ATP6V0A4: variants seen among roughly 807,000 people sequenced by gnomAD.
ATP6V0A4 encodes the protein V-type proton ATPase 116 kDa subunit a 4.
ATP6V0A4 carries 86 observed loss-of-function variants against 107.3 expected under a neutral mutation model. That is an observed-to-expected ratio of 0.80 (90% CI 0.67 to 0.96). The LOEUF (loss-of-function observed/expected upper bound fraction) is 0.96, where lower values mean the gene tolerates loss of function less well. Among genes scored for constraint, ATP6V0A4 ranks in the 40% least tolerant of loss-of-function variants. The probability of loss-of-function intolerance (pLI) is 0.00; values close to 1 mark genes in which losing one functional copy is unlikely to be tolerated. For missense variants in ATP6V0A4, 908 were observed against 1,045.6 expected, an observed-to-expected ratio of 0.87 and a Z score of 1.81; for synonymous variants, 353 against 381.4, an observed-to-expected ratio of 0.93 and a Z score of 0.87.
intron 5 of ATP6V0A4, among the ~76,000 whole-genome samples, chr7:138,764,714 GGATTAAGGTCACCTATTAAAGAA>G (rs1220716059): frequency 6.6e-6 from 1 of 152,142 alleles, no homozygotes; most frequent in Non-Finnish European, 1.5e-5. Context: ...AAACGGAAAT[GGATTAAGGTCACCTATTAAAGAA>G]GAGATTATCA....
chr7:138,788,559 G>C (rs75485990), intron 1 of ATP6V0A4, among the ~76,000 whole-genome samples: 177 of 152,244 alleles, frequency 1.2e-3, no homozygotes, highest in African/African-American at 4.1e-3. Flanking sequence ...TTAAGAAGCA[G>C]GACAGGTCAA....
chr7:138,768,742 G>C, intron 5 of ATP6V0A4, 38 bp downstream of exon 5: 1 of 1,611,394 alleles, frequency 6.2e-7, no homozygotes, highest in South Asian at 1.1e-5. Flanking sequence ...CTTCATGACT[G>C]TCCTTACCTG....
At chr7:138,760,524 T>A (rs573048037) in intron 7 of ATP6V0A4, among the ~76,000 whole-genome samples, 1 of 151,846 alleles carries the variant, frequency 6.6e-6, no homozygotes, top group African/African-American at 2.4e-5. Flanking sequence ...TCAACAGTAG[T>A]CTCTATGCAT....
At chr7:138,784,367 G>A (rs1808086829) in intron 2 of ATP6V0A4, among the ~76,000 whole-genome samples, 1 of 145,916 alleles carries the variant, frequency 6.9e-6, no homozygotes, top group South Asian at 2.2e-4. Flanking sequence ...CACATAGGCT[G>A]GGGTGCAGTG....
Position 138,759,874 on chromosome 7 carries a change from T to C in ATP6V0A4, c.517A>G (p.Ile173Val), listed in dbSNP as rs189476989. The change falls in exon 8 of 22, where the codon ATA becomes GTA. Residue 173 changes from isoleucine (I) to valine (V), a missense_variant. Coordinates refer to ENST00000310018, the MANE Select transcript of ATP6V0A4 (RefSeq NM_020632.3). ...CTCTCCCTGTTGATCACACCGGCTATGAACCTAGGCAGCCAGAAGGGAAGA... is the reference window on the plus strand; with the variant it reads ...CTCTCCCTGTTGATCACACCGGCTACGAACCTAGGCAGCCAGAAGGGAAGA... Reference protein sequence around the residue: ...PAYMTGKLGFIAGVINRERMA... With the variant: ...PAYMTGKLGFVAGVINRERMA... 3 of 1,614,086 alleles carry C rather than the reference T, an allele frequency of 1.9e-6. No individual in the cohort carries two copies. Among genetic ancestry groups the C allele is most frequent in the Non-Finnish European group, 2.5e-6 (3 of 1,180,012 alleles).
intron 17 of ATP6V0A4, among the ~76,000 whole-genome samples, chr7:138,730,418 C>A (rs1418196023): frequency 1.3e-5 from 2 of 150,066 alleles, no homozygotes; most frequent in Non-Finnish European, 3.0e-5. Context: ...ACAGCCAGGA[C>A]AATGTTGGGA....
chr7:138,790,866 A>G (rs2130227604), intron 1 of ATP6V0A4, among the ~76,000 whole-genome samples: 1 of 152,362 alleles, frequency 6.6e-6, no homozygotes, highest in East Asian at 1.9e-4. Context: ...TAAAGCAACA[A>G]CAACAAAAAT....
intron 13 of ATP6V0A4, among the ~76,000 whole-genome samples, chr7:138,745,601 T>C (rs1805875502): frequency 7.2e-6 from 1 of 138,824 alleles, no homozygotes; most frequent in South Asian, 2.3e-4. Flanking sequence ...CACTTGAACC[T>C]GGGAGTTGGA....
intron 1 of ATP6V0A4, among the ~76,000 whole-genome samples, chr7:138,787,909 G>A (rs1808240582): frequency 6.6e-6 from 1 of 152,170 alleles, no homozygotes; most frequent in Non-Finnish European, 1.5e-5. Context: ...TGAGGCAGGA[G>A]GATGGCTTGA....
At position 138,771,124 on chromosome 7, in the gene ATP6V0A4, T is replaced by C. The variant is rs754999574; in HGVS notation, c.117+7A>G. 1 of 1,613,462 alleles carries C rather than the reference T, an allele frequency of 6.2e-7. No homozygotes were observed. The highest frequency in any genetic ancestry group is 1.1e-5 in the South Asian group (1 of 91,066). On this transcript the variant is annotated splice_region_variant and intron_variant, in intron 3 of 21. Transcript: ENST00000310018. ...TTCCTCTTATCTCCAAAGAACTCAGTACCTACATCTTTGAACTGAACCAAT... is the reference window on the plus strand; with the variant it reads ...TTCCTCTTATCTCCAAAGAACTCAGCACCTACATCTTTGAACTGAACCAAT...
intron 8 of ATP6V0A4, among the ~76,000 whole-genome samples, 167 bp downstream of exon 8, chr7:138,759,585 A>C (rs754763747): frequency 6.6e-6 from 1 of 152,136 alleles, no homozygotes; most frequent in Non-Finnish European, 1.5e-5. Flanking sequence ...TCAAATATAT[A>C]TTTTTAAAAA....
intron 1 of ATP6V0A4, among the ~76,000 whole-genome samples, chr7:138,791,322 T>A (rs187292560): frequency 6.6e-6 from 1 of 151,896 alleles, no homozygotes; most frequent in Non-Finnish European, 1.5e-5. Flanking sequence ...AGATAAAGAA[T>A]AAAGAAGAAG....
In ATP6V0A4 at chr7:138,707,388, A is replaced by T. The variant is rs1266361894; in HGVS notation, c.2430-671T>A. 2.5e-3 allele frequency among the ~76,000 whole-genome samples: 148 copies of T among 58,812 alleles called. 1 individual carries two copies. The highest frequency in any genetic ancestry group is 6.0e-3 in the African/African-American group (80 of 13,294). 38.6% of individuals were successfully genotyped at this position (58,812 alleles called of 152,430 possible). ...TTATATATATATTTATATATATATAAAAATAAATATATTATATATATATAT... is the reference window on the plus strand; with the variant it reads ...TTATATATATATTTATATATATATATAAATAAATATATTATATATATATAT... On this transcript the variant is annotated intron_variant, in intron 21 of 21. Transcript: ENST00000310018.
chr7:138,721,908 G>C lies in ATP6V0A4; in HGVS notation c.2128C>G (p.His710Asp). Residue 710 changes from histidine (H) to aspartate (D), a missense_variant, in exon 19 of 22, where the codon CAT becomes GAT. By Grantham distance (81) the His-to-Asp change is moderately conservative (BLOSUM62 -1). Transcript: ENST00000310018. ...CTCGTCCCAGATACCTCTTCTCCAT[G>C]GTCGTCCAGAGCCCCGTGGGTATCT... is the stretch of plus-strand genomic sequence containing the variant. ...SADTHGALDD[H>D]GEEFNFGDVF... 2 of 1,614,030 alleles carry C rather than the reference G, an allele frequency of 1.2e-6. No homozygotes were observed. The highest frequency in any genetic ancestry group is 1.7e-6 in the Non-Finnish European group (2 of 1,179,988).
rs6962274 is a variant in ATP6V0A4 at position 138,733,937 on chromosome 7, A to T, written c.1691+199T>A. ...CCAGAGGAGCACTTACCTTGGAGAG[A>T]CTCTGCTCAGGAGAAACGGAGGTGC... On this transcript the variant is annotated intron_variant, in intron 16 of 21. Coordinates refer to ENST00000310018, the MANE Select transcript of ATP6V0A4 (RefSeq NM_020632.3). Among the ~76,000 whole-genome samples the T allele has an allele frequency of 0.49, 73,768 of 151,662 alleles. 18,947 individuals carry two copies. Among genetic ancestry groups the T allele is most frequent in the East Asian group, 0.79 (4,091 of 5,152 alleles).
chr7:138,725,815 G>A (rs1378428315), intron 18 of ATP6V0A4, among the ~76,000 whole-genome samples: 1 of 151,070 alleles, frequency 6.6e-6, no homozygotes, highest in Non-Finnish European at 1.5e-5. Flanking sequence ...GCCCGGTCAG[G>A]ACTCTCAAGT....
In ATP6V0A4 at chr7:138,717,181, C is replaced by G. The variant is rs144311913; in HGVS notation, c.2140-1300G>C. Among the ~76,000 whole-genome samples the G allele has an allele frequency of 1.4e-4, 21 of 152,256 alleles. No individual in the cohort carries two copies. The East Asian group carries it at 1.9e-3, about 14-fold the overall frequency. ...CACATGGGAGCTCAGGTGGAACTAC[C>G]GAAGCCCCGAAGAAAAGTCCCGGCT... On this transcript the variant is annotated intron_variant, in intron 19 of 21. Coordinates refer to ENST00000310018, the MANE Select transcript of ATP6V0A4 (RefSeq NM_020632.3).
chr7:138,732,981 C>G lies in ATP6V0A4; in HGVS notation c.1804G>C (p.Asp602His), dbSNP rs1437101746. The G allele has an allele frequency of 3.7e-6, 6 of 1,613,658 alleles. No homozygotes were observed. Among genetic ancestry groups the G allele is most frequent in the Admixed American group, 3.3e-5 (2 of 59,954 alleles). Residue 602 changes from aspartate to histidine, a missense_variant, in exon 17 of 22, where the codon GAC (aspartate) becomes CAC (histidine). Transcript: ENST00000310018. ...FMIIFKWCCF[D>H]VHVSQHAPSI... Reference sequence around the variant, plus strand: ...GGGGCGTGCTGAGATACATGGACGTCAAAGCAGCACCATTTGAAAATGATC... The same window carrying G: ...GGGGCGTGCTGAGATACATGGACGTGAAAGCAGCACCATTTGAAAATGATC...
chr7:138,785,278 C>CTTTTTTT (rs67440202), intron 2 of ATP6V0A4, among the ~76,000 whole-genome samples: 1 of 131,678 alleles, frequency 7.6e-6, no homozygotes, highest in Non-Finnish European at 1.6e-5. Flanking sequence ...TTTCTTTTTT[C>CTTTTTTT]TTTTTTTTTT....
Sources: gnomAD v4.1 joint callset for allele counts (sites outside exome capture counted in the v4.1 genomes callset) on GRCh38, gnomAD v4.1.1 for gene constraint, MANE v1.5 for transcripts, NCBI Gene and HGNC (gene_info 2026-07-23, HGNC 2026-07-21) for gene names.